Variants in DIAPH2 observed in about 807,000 individuals in gnomAD.
DIAPH2 encodes the protein protein diaphanous homolog 2.
A neutral mutation model predicts 92.7 loss-of-function variants in DIAPH2; 35 were observed. The observed-to-expected ratio is 0.38, with a 90% CI of 0.29 to 0.50. The LOEUF (loss-of-function observed/expected upper bound fraction) is 0.50. DIAPH2 is among the 20% of genes least tolerant of loss of function. The pLI is 0.94. For synonymous variants in DIAPH2, 301 were observed against 280.4 expected (o/e 1.07, Z -0.73); for missense variants, 701 against 819.5 (o/e 0.86, Z 1.77).
chrX:96,931,707 G>A lies in DIAPH2; in HGVS notation c.1089+864G>A, dbSNP rs1176883678. On this transcript the variant is annotated intron_variant, in intron 10 of 26. Transcript: ENST00000324765. ...TAGTCTACCAGAAATACCCAAATTG[G>A]GGACATTTCCTGGTGAGGAATCAAT... is the stretch of plus-strand genomic sequence containing the variant. Among the ~76,000 whole-genome samples the A allele has an allele frequency of 2.7e-5, 3 of 111,100 alleles. No individual in the cohort carries two copies. The Admixed American group carries it at 2.9e-4, about 11-fold the overall frequency.
intron 1 of DIAPH2, among the ~76,000 whole-genome samples, chrX:96,704,178 G>A: frequency 9.0e-6 from 1 of 111,717 alleles, no homozygotes; most frequent in Non-Finnish European, 1.9e-5. Context: ...TTCCTTGTGG[G>A]GTTACAAAAT....
At position 96,684,876 on chromosome X, in the gene DIAPH2, C is replaced by T. The variant is rs1394372566; in HGVS notation, c.-183C>T. 4.4e-6 allele frequency: 2 copies of T among 454,963 alleles called. No homozygotes were observed. The highest frequency in any genetic ancestry group is 3.2e-6 in the Non-Finnish European group (1 of 317,187). The allele number at this position is 454,963 out of a possible 1,213,427, so 37.5% of individuals were successfully genotyped here. A position where few individuals can be genotyped will look rare whatever the true frequency, so the allele number is the denominator to read the frequency against. ...CCGAGTAGTGGCAACGGCGTGGTTG[C>T]GTCGGGGGTGCCTGGGAGCCTGGAG... On this transcript the variant is annotated 5_prime_UTR_variant, in exon 1 of 27. Transcript: ENST00000324765.
intron 16 of DIAPH2, among the ~76,000 whole-genome samples, chrX:96,964,322 A>G (rs1291942303): frequency 2.7e-5 from 3 of 112,232 alleles, no homozygotes; most frequent in Admixed American, 9.5e-5. Flanking sequence ...CAATTCATCA[A>G]AATTCAAGAT....
intron 24 of DIAPH2, among the ~76,000 whole-genome samples, chrX:97,361,636 ATAT>A (rs1380176714): frequency 8.9e-6 from 1 of 112,026 alleles, no homozygotes; most frequent in Non-Finnish European, 1.9e-5. Flanking sequence ...TAGCTTAGTA[ATAT>A]TATTAAGGAC....
chrX:97,043,654 G>A (rs1351306478), intron 17 of DIAPH2, among the ~76,000 whole-genome samples: 2 of 110,872 alleles, frequency 1.8e-5, no homozygotes, highest in Admixed American at 1.9e-4. Context: ...AAGGCTGCAT[G>A]TAAGTACACT....
At chrX:96,707,105 C>T (rs2063889827) in intron 1 of DIAPH2, among the ~76,000 whole-genome samples, 1 of 109,555 alleles carries the variant, frequency 9.1e-6, no homozygotes, top group South Asian at 4.1e-4. Context: ...TTGAGACCAG[C>T]CTGGCCAACA....
At chrX:97,319,752 A>G (rs988895625) in intron 23 of DIAPH2, among the ~76,000 whole-genome samples, 13 of 110,550 alleles carry the variant, frequency 1.2e-4, no homozygotes, top group Admixed American at 9.7e-4. Flanking sequence ...CTGAGTAGGC[A>G]CTCAGTCAGT....
At chrX:96,841,631 C>T (rs2064937293) in intron 4 of DIAPH2, among the ~76,000 whole-genome samples, 1 of 111,792 alleles carries the variant, frequency 8.9e-6, no homozygotes. Flanking sequence ...CAAAACCTAC[C>T]TTTCTACCAG....
chrX:97,292,172 G>T (rs751568088), intron 23 of DIAPH2, among the ~76,000 whole-genome samples: 1 of 107,913 alleles, frequency 9.3e-6, no homozygotes, highest in African/African-American at 3.4e-5. Context: ...GGGACCACAG[G>T]TGCATGACAC....
chrX:97,100,319 C>A (rs886145676), intron 20 of DIAPH2, among the ~76,000 whole-genome samples: 1 of 111,488 alleles, frequency 9.0e-6, no homozygotes, highest in South Asian at 3.7e-4. Flanking sequence ...GGAAGAAAAT[C>A]TTATACATCA....
At chrX:96,861,142 G>C (rs995741715) in intron 4 of DIAPH2, among the ~76,000 whole-genome samples, 11 of 111,318 alleles carry the variant, frequency 9.9e-5, no homozygotes, top group African/African-American at 3.6e-4. Flanking sequence ...GTTTAGGCAG[G>C]ATATACTTGT....
rs1243158716 is a variant in DIAPH2 at position 96,976,065 on chromosome X, G to A, written c.2050+10858G>A. Reference sequence around the variant, plus strand: ...TCCACTCTGTAACCCAGGCTGGAGTGCACTGGCATGATTACAACTCACTGC... The same window carrying A: ...TCCACTCTGTAACCCAGGCTGGAGTACACTGGCATGATTACAACTCACTGC... On this transcript the variant is annotated intron_variant, in intron 17 of 26. Coordinates refer to ENST00000324765, the MANE Select transcript of DIAPH2 (RefSeq NM_006729.5). Among the ~76,000 whole-genome samples, 3 of 97,753 alleles carry A rather than the reference G, an allele frequency of 3.1e-5. No homozygotes were observed. The East Asian group carries it at 1.1e-3, about 34-fold the overall frequency. 84.9% of individuals were successfully genotyped at this position (97,753 alleles called of 115,157 possible).
chrX:97,004,378 T>A (rs2066165607), intron 17 of DIAPH2, among the ~76,000 whole-genome samples: 2 of 111,638 alleles, frequency 1.8e-5, no homozygotes, highest in African/African-American at 6.5e-5. Flanking sequence ...CACATTGAAT[T>A]TGTAGATTGC....
At chrX:97,452,589 T>C (rs998136267) in intron 26 of DIAPH2, among the ~76,000 whole-genome samples, 6 of 112,131 alleles carry the variant, frequency 5.4e-5, no homozygotes, top group Admixed American at 9.5e-5. Flanking sequence ...CCAACATGAC[T>C]GTGAAAAGGA....
At chrX:96,721,073 C>A (rs2063985769) in intron 1 of DIAPH2, among the ~76,000 whole-genome samples, 1 of 111,135 alleles carries the variant, frequency 9.0e-6, no homozygotes, top group South Asian at 3.8e-4. Context: ...AATTTTTTTG[C>A]TGTTGGCTGT....
intron 17 of DIAPH2, among the ~76,000 whole-genome samples, chrX:97,012,341 C>T: frequency 8.9e-6 from 1 of 111,788 alleles, no homozygotes; most frequent in Non-Finnish European, 1.9e-5. Flanking sequence ...TCACAACCAT[C>T]TGAAGTAGAT....
chrX:97,305,488 C>T (rs959646662), intron 23 of DIAPH2, among the ~76,000 whole-genome samples: 15 of 99,296 alleles, frequency 1.5e-4, no homozygotes, highest in East Asian at 9.9e-4. Context: ...AGAGAAACTC[C>T]GTCTCAAAAA....
chrX:96,956,366 T>C (rs1408539252), intron 15 of DIAPH2, among the ~76,000 whole-genome samples: 1 of 111,926 alleles, frequency 8.9e-6, no homozygotes, highest in African/African-American at 3.2e-5. Context: ...AGGCCTGTGA[T>C]AGGAGGGGCT....
chrX:97,203,665 T>C lies in DIAPH2; in HGVS notation c.2720-44050T>C, dbSNP rs949184726. ...AATAGACCAATACCAAGTTCTGAAA[T>C]TGAGGCAGTAATTAATAGCATACCA... On this transcript the variant is annotated intron_variant, in intron 22 of 26. Coordinates refer to ENST00000324765, the MANE Select transcript of DIAPH2 (RefSeq NM_006729.5). Among the ~76,000 whole-genome samples, 6 of 111,611 alleles carry C rather than the reference T, an allele frequency of 5.4e-5. No individual in the cohort carries two copies. The East Asian group carries it at 1.7e-3, about 31-fold the overall frequency.
Sources: gnomAD v4.1 joint callset for allele counts (sites outside exome capture counted in the v4.1 genomes callset) on GRCh38, gnomAD v4.1.1 for gene constraint, MANE v1.5 for transcripts, NCBI Gene and HGNC (gene_info 2026-07-23, HGNC 2026-07-21) for gene names.